Variants in OTUD3 observed in about 807,000 individuals in gnomAD.
The protein encoded by OTUD3 is OTU domain-containing protein 3.
A neutral mutation model predicts 46.2 loss-of-function variants in OTUD3; 24 were observed. That is an observed-to-expected ratio of 0.52 (90% CI 0.38 to 0.73). OTUD3 has a LOEUF of 0.73. OTUD3 is among the 30% of genes least tolerant of loss of function. The pLI is 0.00. For synonymous variants in OTUD3, 189 were observed against 195.4 expected (o/e 0.97, Z 0.27); for missense variants, 455 against 523.3 (o/e 0.87, Z 1.27).
chr1:19,890,346 A>G (rs2045429562), intron 1 of OTUD3, 39 bp from the exon 2 acceptor site: 3 of 1,603,034 alleles, frequency 1.9e-6, no homozygotes, highest in Admixed American at 1.7e-5. Flanking sequence ...AACTAAGTTC[A>G]TTTTTGAAAG....
chr1:19,899,246 G>C (rs2045556752), intron 4 of OTUD3, among the ~76,000 whole-genome samples: 1 of 152,118 alleles, frequency 6.6e-6, no homozygotes. Context: ...AGTGGTATTA[G>C]TATATCATAA....
chr1:19,890,769 C>T (rs560813893), intron 2 of OTUD3, among the ~76,000 whole-genome samples: 54 of 152,210 alleles, frequency 3.5e-4, no homozygotes, highest in South Asian at 1.2e-3. Context: ...ACCTGAAAAG[C>T]GATTCATGAC....
At chr1:19,907,496 AC>A in intron 7 of OTUD3, 73 bp from the exon 8 acceptor site, 1 of 1,451,840 alleles carries the variant, frequency 6.9e-7, no homozygotes, top group Non-Finnish European at 9.5e-7. Context: ...GCCCTTTGCC[AC>A]CATCTCCCTT....
chr1:19,897,715 T>G, intron 4 of OTUD3, 53 bp downstream of exon 4: 1 of 1,578,262 alleles, frequency 6.3e-7, no homozygotes, highest in Non-Finnish European at 8.6e-7. Flanking sequence ...GGAAACAGAT[T>G]GAGAGCTGTA....
Position 19,894,423 on chromosome 1 carries a change from T to C in OTUD3, c.426T>C (p.Phe142=), listed in dbSNP as rs749470027. 3.7e-6 allele frequency: 6 copies of C among 1,611,824 alleles called. No homozygotes were observed. The South Asian group carries it at 6.6e-5, about 18-fold the overall frequency. The change falls in exon 3 of 8, where the codon TTT becomes TTC. Residue 142 remains phenylalanine, a synonymous_variant. Transcript: ENST00000375120. ...TFAGNDAIVA[F]ARNHQLNVVI... ...CTGGCAATGATGCAATTGTAGCCTT[T>C]GCAAGAAATCATCAGTTGAATGTAG...
chr1:19,893,415 G>A (rs1241403659), intron 2 of OTUD3, among the ~76,000 whole-genome samples: 1 of 152,072 alleles, frequency 6.6e-6, no homozygotes, highest in East Asian at 1.9e-4. Context: ...AAAGGTTCCA[G>A]ACACGAAGCT....
rs1445466738 is a variant in OTUD3, at chr1:19,909,850, A to C, written c.*2104A>C. The C allele has an allele frequency of 6.6e-6, 1 of 152,344 alleles. No homozygotes were observed. Among genetic ancestry groups the C allele is most frequent in the African/African-American group, 2.4e-5 (1 of 41,454 alleles). 9.4% of individuals were successfully genotyped at this position (152,344 alleles called of 1,614,324 possible). On this transcript the variant is annotated 3_prime_UTR_variant, in exon 8 of 8. Coordinates refer to ENST00000375120, the MANE Select transcript of OTUD3 (RefSeq NM_015207.2). ...TTTTTTAAATTACCTAATTCTGGTA[A>C]TAGGCTTCAGCATTTCTGGAGTATA... is the stretch of plus-strand genomic sequence containing the variant.
intron 1 of OTUD3, among the ~76,000 whole-genome samples, chr1:19,888,580 C>T (rs1171683695): frequency 6.6e-6 from 1 of 152,138 alleles, no homozygotes; most frequent in Non-Finnish European, 1.5e-5. Context: ...GTAACTATGG[C>T]TATCATTTTG....
chr1:19,884,826 T>C (rs1253797153), intron 1 of OTUD3, among the ~76,000 whole-genome samples: 1 of 152,214 alleles, frequency 6.6e-6, no homozygotes, highest in Non-Finnish European at 1.5e-5. Context: ...TGAGTCACAC[T>C]TTGAGAACAG....
intron 1 of OTUD3, among the ~76,000 whole-genome samples, chr1:19,887,858 A>T (rs2045390144): frequency 6.6e-6 from 1 of 151,744 alleles, no homozygotes; most frequent in South Asian, 2.1e-4. Context: ...AAATAATAAA[A>T]CCTTTTCCTT....
At chr1:19,892,339 T>C (rs1266263422) in intron 2 of OTUD3, among the ~76,000 whole-genome samples, 4 of 152,180 alleles carry the variant, frequency 2.6e-5, no homozygotes, top group Non-Finnish European at 5.9e-5. Flanking sequence ...TAGTTACCTG[T>C]TTTTAATGTC....
chr1:19,901,902 C>T (rs2045594552), intron 4 of OTUD3, among the ~76,000 whole-genome samples: 1 of 152,092 alleles, frequency 6.6e-6, no homozygotes, highest in Non-Finnish European at 1.5e-5. Flanking sequence ...ATTTTTTGTG[C>T]ACCCATTCAT....
chr1:19,889,270 CTTAA>C (rs1298158596), intron 1 of OTUD3, among the ~76,000 whole-genome samples: 1 of 149,928 alleles, frequency 6.7e-6, no homozygotes, highest in Non-Finnish European at 1.5e-5. Context: ...TAGAAGCTGT[CTTAA>C]TTCTCCCCTC....
chr1:19,899,984 T>C (rs1450727703), intron 4 of OTUD3, among the ~76,000 whole-genome samples: 2 of 152,232 alleles, frequency 1.3e-5, no homozygotes, highest in Non-Finnish European at 2.9e-5. Context: ...GTCTGTGATA[T>C]GAGTTGCAAA....
At position 19,906,569 on chromosome 1, in the gene OTUD3, G is replaced by T; in HGVS notation, c.973G>T (p.Ala325Ser). The T allele has an allele frequency of 1.9e-6, 3 of 1,613,446 alleles. No homozygotes were observed. Among genetic ancestry groups the T allele is most frequent in the Non-Finnish European group, 2.5e-6 (3 of 1,179,930 alleles). The change falls in exon 7 of 8, where the codon GCC (alanine) becomes TCC (serine). Residue 325 changes from alanine to serine, a missense_variant. Ala to Ser is a moderately conservative substitution (Grantham distance 99). Transcript: ENST00000375120. ...EGRTENNKAQ[A>S]SPSEENKANK... Reference sequence around the variant, plus strand: ...CAGGACCGAAAACAATAAGGCACAGGCCAGCCCTAGTGAAGAAAACAAAGC... The same window carrying T: ...CAGGACCGAAAACAATAAGGCACAGTCCAGCCCTAGTGAAGAAAACAAAGC...
intron 4 of OTUD3, among the ~76,000 whole-genome samples, chr1:19,902,997 C>A (rs2045610580): frequency 6.6e-6 from 1 of 150,836 alleles, no homozygotes; most frequent in South Asian, 2.1e-4. Context: ...AGTTATTCAC[C>A]ACTATAAGTA....
chr1:19,888,861 ACT>A (rs1318064610), intron 1 of OTUD3, among the ~76,000 whole-genome samples: 2 of 152,298 alleles, frequency 1.3e-5, no homozygotes, highest in Non-Finnish European at 2.9e-5. Context: ...GTACAGATGA[ACT>A]TGGTTGAGTT....
At chr1:19,899,622 C>T (rs2045560753) in intron 4 of OTUD3, among the ~76,000 whole-genome samples, 1 of 152,180 alleles carries the variant, frequency 6.6e-6, no homozygotes, top group South Asian at 2.1e-4. Flanking sequence ...GGGACACATT[C>T]CTAGAAGGTC....
At chr1:19,886,388 T>G (rs2045361276) in intron 1 of OTUD3, among the ~76,000 whole-genome samples, 1 of 152,218 alleles carries the variant, frequency 6.6e-6, no homozygotes, top group Non-Finnish European at 1.5e-5. Context: ...GTTTTTAATA[T>G]TGCAGGATCA....
Sources: gnomAD v4.1 joint callset for allele counts (sites outside exome capture counted in the v4.1 genomes callset) on GRCh38, gnomAD v4.1.1 for gene constraint, MANE v1.5 for transcripts, NCBI Gene and HGNC (gene_info 2026-07-23, HGNC 2026-07-21) for gene names.